The following TBCD variants were observed in gnomAD, a reference collection of about 807,000 sequenced individuals.
TBCD encodes tubulin-specific chaperone D.
In TBCD, 105 loss-of-function variants were observed where a neutral mutation model predicts 169.3. The ratio of observed to expected loss-of-function variants is 0.62; its 90% CI spans 0.53 to 0.73. TBCD has a LOEUF of 0.73. Among genes scored for constraint, TBCD ranks in the 30% least tolerant of loss-of-function variants. The probability of loss-of-function intolerance (pLI) is 0.00; values close to 1 mark genes in which losing one functional copy is unlikely to be tolerated. For synonymous variants in TBCD, 700 were observed against 643.9 expected, an observed-to-expected ratio of 1.09 and a Z score of -1.32; for missense variants, 1,444 against 1,600.1, an observed-to-expected ratio of 0.90 and a Z score of 1.66.
intron 12 of TBCD, among the ~76,000 whole-genome samples, chr17:82,810,434 C>T (rs976992028): frequency 6.6e-6 from 1 of 152,192 alleles, no homozygotes; most frequent in Non-Finnish European, 1.5e-5. Flanking sequence ...CAGAGTGAGA[C>T]CCGGTCTCAG....
At chr17:82,766,209 A>C in intron 3 of TBCD, 58 bp from the exon 4 acceptor site, 1 of 1,450,174 alleles carries the variant, frequency 6.9e-7, no homozygotes, top group South Asian at 1.2e-5. Flanking sequence ...GTAGAAAGGC[A>C]ATTTTGCTGC....
At chr17:82,797,632 A>G in intron 7 of TBCD, 125 bp from the exon 8 acceptor site, 1 of 700,670 alleles carries the variant, frequency 1.4e-6, no homozygotes, top group East Asian at 2.8e-5. Context: ...TTTCTTTATT[A>G]TTAGGTGGTG....
intron 7 of TBCD, among the ~76,000 whole-genome samples, chr17:82,783,563 C>G (rs1246756271): frequency 6.6e-6 from 1 of 152,212 alleles, no homozygotes; most frequent in Non-Finnish European, 1.5e-5. Context: ...TCCCTGTGGA[C>G]TTGCTGGTTG....
intron 13 of TBCD, among the ~76,000 whole-genome samples, chr17:82,868,324 C>G (rs2057324004): frequency 6.6e-6 from 1 of 151,988 alleles, no homozygotes; most frequent in African/African-American, 2.4e-5. Flanking sequence ...GAGGGGTGGG[C>G]CCCTGCCTGG....
chr17:82,942,800 C>A lies in TBCD; in HGVS notation c.*337C>A. ...CAGAGGGGAGGTGGGCTGCACTCCT[C>A]CTGCCTGGAGACCAGGCCCCCTTCT... On this transcript the variant is annotated 3_prime_UTR_variant, in exon 39 of 39. Coordinates refer to ENST00000355528, the MANE Select transcript of TBCD (RefSeq NM_005993.5). The A allele has an allele frequency of 2.4e-6, 1 of 420,294 alleles. No individual in the cohort carries two copies. Among genetic ancestry groups the A allele is most frequent in the Non-Finnish European group, 4.3e-6 (1 of 235,178 alleles). 26.0% of individuals were successfully genotyped at this position (420,294 alleles called of 1,614,324 possible).
intron 16 of TBCD, among the ~76,000 whole-genome samples, chr17:82,892,831 C>T (rs556725389): frequency 1.3e-5 from 2 of 152,318 alleles, no homozygotes; most frequent in East Asian, 1.9e-4. Flanking sequence ...AATTTCACAT[C>T]CTGGAACCTG....
intron 13 of TBCD, among the ~76,000 whole-genome samples, chr17:82,834,024 A>C (rs571551257): frequency 6.6e-6 from 1 of 151,886 alleles, no homozygotes; most frequent in African/African-American, 2.4e-5. Flanking sequence ...AGCTCACTGC[A>C]ACCTCCGCCT....
At chr17:82,905,177 T>A (rs1300262997) in intron 19 of TBCD, among the ~76,000 whole-genome samples, 1 of 152,146 alleles carries the variant, frequency 6.6e-6, no homozygotes, top group Admixed American at 6.5e-5. Context: ...TCTGTCCTGC[T>A]CCGCCCCCTC....
chr17:82,862,997 T>G (rs958598388), intron 13 of TBCD, among the ~76,000 whole-genome samples: 3 of 152,212 alleles, frequency 2.0e-5, no homozygotes, highest in Non-Finnish European at 2.9e-5. Context: ...AGAGGATTAC[T>G]GGGTGGAATG....
chr17:82,821,140 A>C (rs1309948729), intron 13 of TBCD, among the ~76,000 whole-genome samples: 1 of 152,130 alleles, frequency 6.6e-6, no homozygotes, highest in Non-Finnish European at 1.5e-5. Flanking sequence ...ACAGGATCTC[A>C]CTTTATTGTC....
At chr17:82,896,507 C>T (rs1268238769) in intron 17 of TBCD, among the ~76,000 whole-genome samples, 2 of 149,044 alleles carry the variant, frequency 1.3e-5, no homozygotes, top group East Asian at 3.9e-4. Flanking sequence ...GCTCTGTCAC[C>T]CAGGCTGGAG....
At chr17:82,770,572 C>G (rs1467121670) in intron 5 of TBCD, among the ~76,000 whole-genome samples, 1 of 150,606 alleles carries the variant, frequency 6.6e-6, no homozygotes, top group Non-Finnish European at 1.5e-5. Flanking sequence ...GCACTCCACC[C>G]TGGGCAACAA....
rs1064796675 is a variant in TBCD, at chr17:82,800,926, C to T, written c.880C>T (p.Arg294Trp). Residue 294 changes from arginine (R) to tryptophan (W), a missense_variant, in exon 9 of 39, where the codon CGG becomes TGG. Coordinates refer to ENST00000355528, the MANE Select transcript of TBCD (RefSeq NM_005993.5). ...RLPESNQTLL[R>W]KLGVKLVQRL... ...CCCTGAGAGCAACCAGACCCTGCTG[C>T]GGAAGCTGGGGGTGAAGCTTGTGCA... is the stretch of plus-strand genomic sequence containing the variant. 11 of 1,611,742 alleles carry T rather than the reference C, an allele frequency of 6.8e-6. No homozygotes were observed. Among genetic ancestry groups the T allele is most frequent in the East Asian group, 2.2e-5 (1 of 44,722 alleles).
At chr17:82,761,553 G>C (rs181657873) in intron 2 of TBCD, among the ~76,000 whole-genome samples, 1 of 152,114 alleles carries the variant, frequency 6.6e-6, no homozygotes, top group Admixed American at 6.6e-5. Context: ...GGGAACCACT[G>C]TTGGTTAATG....
intron 13 of TBCD, among the ~76,000 whole-genome samples, chr17:82,846,476 G>A (rs1236542499): frequency 6.6e-6 from 1 of 152,176 alleles, no homozygotes; most frequent in African/African-American, 2.4e-5. Context: ...CCCTAGTGAG[G>A]TGCCCTTCCT....
intron 7 of TBCD, among the ~76,000 whole-genome samples, chr17:82,793,416 T>G (rs12952016): frequency 0.31 from 47,449 of 152,156 alleles, 8,114 homozygotes; most frequent in Admixed American, 0.37. Context: ...TGGGGCTCTT[T>G]AAGATGTCCC....
chr17:82,797,858 A>C, intron 8 of TBCD, 56 bp downstream of exon 8: 1 of 1,346,974 alleles, frequency 7.4e-7, no homozygotes, highest in Non-Finnish European at 1.0e-6. Flanking sequence ...CTCATATACA[A>C]TCAAGTGTCT....
chr17:82,888,098 G>GT (rs889878870), intron 15 of TBCD, among the ~76,000 whole-genome samples: 2 of 152,192 alleles, frequency 1.3e-5, no homozygotes. Flanking sequence ...GTCTCGATCA[G>GT]TTTTTTGTTT....
chr17:82,831,331 A>G lies in TBCD; in HGVS notation c.1318+16397A>G. The G allele has an allele frequency of 1.2e-6, 2 of 1,613,822 alleles. No homozygotes were observed. Among genetic ancestry groups the G allele is most frequent in the Non-Finnish European group, 1.7e-6 (2 of 1,179,978 alleles). On this transcript the variant is annotated intron_variant, in intron 13 of 38. Coordinates refer to ENST00000355528, the MANE Select transcript of TBCD (RefSeq NM_005993.5). The surrounding 1 kb of genome is among the most constrained non-coding windows in gnomAD (Gnocchi z 4.6). ...CTCAGGAATTGGACTTTCGAACTCG[A>G]CGTGTTTTCTGTTGGGGTCCGAAGG...
Sources: gnomAD v4.1 joint callset for allele counts (sites outside exome capture counted in the v4.1 genomes callset) on GRCh38, gnomAD v4.1.1 for gene constraint, Gnocchi (gnomAD v3.1) non-coding constraint, MANE v1.5 for transcripts, NCBI Gene and HGNC (gene_info 2026-07-23, HGNC 2026-07-21) for gene names.